Variants in KRT40 observed in about 807,000 individuals in gnomAD.
KRT40 encodes the protein keratin 40, also known as keratin, type I cytoskeletal 40.
KRT40 carries 47 observed loss-of-function variants against 43.5 expected under a neutral mutation model. The observed-to-expected ratio is 1.08, with a 90% CI of 0.86 to 1.38. The LOEUF (loss-of-function observed/expected upper bound fraction) is 1.38, where lower values mean the gene tolerates loss of function less well. Ranked by LOEUF, KRT40 falls within the 40% of genes most tolerant of loss-of-function variation. The probability of loss-of-function intolerance (pLI) is 0.00; values close to 1 mark genes in which losing one functional copy is unlikely to be tolerated. For missense variants in KRT40, 573 were observed against 523.6 expected (o/e 1.09, Z -0.92); for synonymous variants, 212 against 214.0 (o/e 0.99, Z 0.08).
Position 40,984,171 on chromosome 17 carries a change from G to A in KRT40, c.103C>T (p.Pro35Ser). 1.9e-6 allele frequency: 3 copies of A among 1,614,094 alleles called. No homozygotes were observed. The highest frequency in any genetic ancestry group is 1.1e-5 in the South Asian group (1 of 91,072). The change falls in exon 1 of 7, where the codon CCC becomes TCC. Residue 35 changes from proline to serine, a missense_variant. Coordinates refer to ENST00000377755, the MANE Select transcript of KRT40 (RefSeq NM_001389244.1). ...CATCGGGATGTAGCACAGGTACCGG[G>A]GAGACAAGCTGTTTCCACGGAGCAG... Reference protein sequence around the residue: ...SSCSVETACLPGTCATSRCQT... With the variant: ...SSCSVETACLSGTCATSRCQT...
chr17:40,978,856 G>C lies in KRT40; in HGVS notation c.1144C>G (p.Leu382Val). ...CAGTACGTGTTGATCTCACCCTCCA[G>C]CCGGGCCTTCACGTCCAGGAGCACC... ...YQVLLDVKAR[L>V]EGEINTYWGL... Residue 382 changes from leucine to valine, a missense_variant, in exon 6 of 7, where the codon CTG becomes GTG. By Grantham distance (32) the Leu-to-Val change is conservative (BLOSUM62 1). Coordinates refer to ENST00000377755, the MANE Select transcript of KRT40 (RefSeq NM_001389244.1). The C allele has an allele frequency of 6.2e-7, 1 of 1,612,316 alleles. No individual in the cohort carries two copies. The highest frequency in any genetic ancestry group is 8.5e-7 in the Non-Finnish European group (1 of 1,179,652).
At position 40,983,841 on chromosome 17, in the gene KRT40, C is replaced by A; in HGVS notation, c.433G>T (p.Asp145Tyr). The A allele has an allele frequency of 1.2e-6, 2 of 1,613,768 alleles. No individual in the cohort carries two copies. The highest frequency in any genetic ancestry group is 1.7e-6 in the Non-Finnish European group (2 of 1,179,716). The change falls in exon 1 of 7, where the codon GAT becomes TAT. Residue 145 changes from aspartate to tyrosine, a missense_variant. By Grantham distance (160) the Asp-to-Tyr change is radical (BLOSUM62 -3). Coordinates refer to ENST00000377755, the MANE Select transcript of KRT40 (RefSeq NM_001389244.1). The part of the protein sequence containing the change: ...DYQRYFNTIE[D>Y]LQQKILCTKA... ...AGGACACAGACCTTTTGTTGGAGAT[C>A]TTCAATGGTGTTGAAGTAACGCTGA...
chr17:40,985,321 TGACA>T (rs1419595163), upstream of KRT40, among the ~76,000 whole-genome samples: 1 of 152,208 alleles, frequency 6.6e-6, no homozygotes, highest in Non-Finnish European at 1.5e-5. Flanking sequence ...GTGCCAAATC[TGACA>T]GACAGGAACT....
chr17:40,980,683 G>A (rs1035820933), intron 5 of KRT40, 102 bp downstream of exon 5: 77 of 1,442,720 alleles, frequency 5.3e-5, no homozygotes, highest in African/African-American at 2.6e-4. Flanking sequence ...GGCAGTACTC[G>A]GGAAAGGCAA....
At chr17:40,983,017 T>TAAATA (rs1467038185) in intron 2 of KRT40, 29 bp downstream of exon 2, 3 of 935,544 alleles carry the variant, frequency 3.2e-6, no homozygotes, top group Non-Finnish European at 5.1e-6. Flanking sequence ...TCAAAATAAA[T>TAAATA]AAATAAAATA....
At chr17:40,981,381 AAG>A in intron 3 of KRT40, 2 of 777,412 alleles carry the variant, frequency 2.6e-6, no homozygotes, top group Non-Finnish European at 2.2e-6. Context: ...TGAGATCTAG[AAG>A]AGTCAATCTA....
chr17:40,983,952 G>T lies in KRT40; in HGVS notation c.322C>A (p.Arg108Ser). 2 of 1,614,036 alleles carry T rather than the reference G, an allele frequency of 1.2e-6. No homozygotes were observed. The highest frequency in any genetic ancestry group is 2.2e-5 in the East Asian group (1 of 44,874). ...DRLASYLEKV[R>S]SLEETNAELE... ...TCTGCGTTGGTCTCCTCCAGGCTGC[G>T]CACCTTCTCCAGATAGCTGGCGAGT... The change falls in exon 1 of 7, where the codon CGC becomes AGC. Residue 108 changes from arginine (R) to serine (S), a missense_variant. Physicochemically the swap from Arg to Ser is moderately radical, Grantham distance 110 (BLOSUM62 -1). Transcript: ENST00000377755.
At chr17:40,984,860 A>AGT (rs1555567602), upstream of KRT40, among the ~76,000 whole-genome samples, 15,258 of 151,546 alleles carry the variant, frequency 0.1, 836 homozygotes, top group South Asian at 0.17. Context: ...TTGGGTTTAA[A>AGT]GTGTGTGTGT....
chr17:40,982,712 T>C (rs1331393567), intron 2 of KRT40, among the ~76,000 whole-genome samples: 1 of 151,908 alleles, frequency 6.6e-6, no homozygotes, highest in South Asian at 2.1e-4. Flanking sequence ...TATTTTCAAA[T>C]TAAAATTAAA....
At chr17:40,986,549 A>T (rs953733090), upstream of KRT40, among the ~76,000 whole-genome samples, 2 of 152,162 alleles carry the variant, frequency 1.3e-5, no homozygotes, top group African/African-American at 4.8e-5. Flanking sequence ...ACGTATTTTC[A>T]TACGTTCTCT....
At chr17:40,981,358 CA>C (rs1355005507) in intron 3 of KRT40, 1 of 951,454 alleles carries the variant, frequency 1.1e-6, no homozygotes, top group Admixed American at 2.0e-5. Context: ...GACATTTTTC[CA>C]GAAAGTTATT....
chr17:40,978,851 C>G lies in KRT40; in HGVS notation c.1149G>C (p.Glu383Asp). 6.2e-7 allele frequency: 1 copy of G among 1,612,138 alleles called. No homozygotes were observed. Among genetic ancestry groups the G allele is most frequent in the Non-Finnish European group, 8.5e-7 (1 of 1,179,588 alleles). ...GGCCCCAGTACGTGTTGATCTCACCCTCCAGCCGGGCCTTCACGTCCAGGA... is the reference window on the plus strand; with the variant it reads ...GGCCCCAGTACGTGTTGATCTCACCGTCCAGCCGGGCCTTCACGTCCAGGA... ...QVLLDVKARL[E>D]GEINTYWGLL... The change falls in exon 6 of 7, where the codon GAG becomes GAC. Residue 383 changes from glutamate to aspartate, a missense_variant. By Grantham distance (45) the Glu-to-Asp change is conservative (BLOSUM62 2). Coordinates refer to ENST00000377755, the MANE Select transcript of KRT40 (RefSeq NM_001389244.1).
chr17:40,978,310 G>T lies in KRT40; in HGVS notation c.1197-14C>A, dbSNP rs774830898. ...CTACAGGAAAGCCTGGGGAAAAATC[G>T]ATTTTCAACCAAGATTAACAAGGGA... On this transcript the variant is annotated splice_polypyrimidine_tract_variant and intron_variant, in intron 6 of 6. Transcript: ENST00000377755. 1.6e-5 allele frequency: 25 copies of T among 1,596,680 alleles called. No homozygotes were observed. Among genetic ancestry groups the T allele is most frequent in the Non-Finnish European group, 2.1e-5 (24 of 1,164,408 alleles).
intron 5 of KRT40, among the ~76,000 whole-genome samples, chr17:40,980,410 CTG>C (rs1912076512): frequency 6.6e-6 from 1 of 151,180 alleles, no homozygotes; most frequent in South Asian, 2.1e-4. Flanking sequence ...TCCTGGGAAA[CTG>C]TAGGATGAAA....
rs2143688040 is a variant in KRT40, at chr17:40,983,847, T to C, written c.427A>G (p.Ile143Val). The C allele has an allele frequency of 6.2e-7, 1 of 1,613,784 alleles. No homozygotes were observed. The highest frequency in any genetic ancestry group is 2.2e-5 in the East Asian group (1 of 44,872). Residue 143 changes from isoleucine (I) to valine (V), a missense_variant, in exon 1 of 7, where the codon ATT (isoleucine) becomes GTT (valine). Physicochemically the swap from Ile to Val is conservative, Grantham distance 29. Coordinates refer to ENST00000377755, the MANE Select transcript of KRT40 (RefSeq NM_001389244.1). ...CAGACCTTTTGTTGGAGATCTTCAATGGTGTTGAAGTAACGCTGATAATCC... is the reference window on the plus strand; with the variant it reads ...CAGACCTTTTGTTGGAGATCTTCAACGGTGTTGAAGTAACGCTGATAATCC... Reference protein sequence around the residue: ...CPDYQRYFNTIEDLQQKILCT... With the variant: ...CPDYQRYFNTVEDLQQKILCT...
In KRT40 at chr17:40,984,142, C is replaced by G. The variant is rs1912337826; in HGVS notation, c.132G>C (p.Gln44His). ...LPGTCATSRC[Q>H]TPSFLSRSRG... ...GAGACCTGGATAGGAAGCTTGGAGT[C>G]TGACATCGGGATGTAGCACAGGTAC... The change falls in exon 1 of 7, where the codon CAG becomes CAC. Residue 44 changes from glutamine (Q) to histidine (H), a missense_variant. Coordinates refer to ENST00000377755, the MANE Select transcript of KRT40 (RefSeq NM_001389244.1). The G allele has an allele frequency of 6.2e-7, 1 of 1,613,992 alleles. No individual in the cohort carries two copies. The highest frequency in any genetic ancestry group is 1.3e-5 in the African/African-American group (1 of 74,900).
At position 40,979,027 on chromosome 17, in the gene KRT40, G is replaced by T. The variant is rs1911969235; in HGVS notation, c.976-3C>A. The T allele has an allele frequency of 6.2e-7, 1 of 1,611,122 alleles. No homozygotes were observed. The highest frequency in any genetic ancestry group is 8.5e-7 in the Non-Finnish European group (1 of 1,177,756). On this transcript the variant is annotated splice_region_variant and splice_polypyrimidine_tract_variant and intron_variant, in intron 5 of 6. Coordinates refer to ENST00000377755, the MANE Select transcript of KRT40 (RefSeq NM_001389244.1). ...ACGGTGCATTCCAGAGATTCTGTCT[G>T]CGGGAGGAAACATTGTCCAAAGGAC... is the stretch of plus-strand genomic sequence containing the variant.
chr17:40,981,507 C>T (rs1252526925), intron 3 of KRT40, among the ~76,000 whole-genome samples: 3 of 152,164 alleles, frequency 2.0e-5, no homozygotes, highest in Non-Finnish European at 4.4e-5. Flanking sequence ...TTACATCATT[C>T]AGCTTTTCAT....
intron 5 of KRT40, 136 bp downstream of exon 5, chr17:40,980,649 G>A: frequency 8.5e-7 from 1 of 1,170,554 alleles, no homozygotes; most frequent in Non-Finnish European, 1.2e-6. Context: ...TGTCACTTCT[G>A]CTTCTATTAA....
Sources: allele counts gnomAD v4.1 joint callset (sites outside exome capture counted in the v4.1 genomes callset), GRCh38; gene constraint gnomAD v4.1.1; transcripts MANE v1.5; gene names NCBI Gene and HGNC (gene_info 2026-07-23, HGNC 2026-07-21).